The following GRIP1 variants were observed in gnomAD, a reference collection of about 807,000 sequenced individuals.
GRIP1 encodes glutamate receptor interacting protein 1, also known as glutamate receptor-interacting protein 1.
In GRIP1, 45 loss-of-function variants were observed where a neutral mutation model predicts 129.9. The ratio of observed to expected loss-of-function variants is 0.35; its 90% CI spans 0.27 to 0.44. GRIP1 has a LOEUF of 0.44. Among genes scored for constraint, GRIP1 ranks in the 20% least tolerant of loss-of-function variants. The pLI, the probability that GRIP1 is intolerant of heterozygous loss-of-function variation, is 1.00. For synonymous variants in GRIP1, 530 were observed against 520.8 expected (o/e 1.02, Z -0.24); for missense variants, 1,196 against 1,396.8 (o/e 0.86, Z 2.29).
chr12:66,960,427 A>G (rs1459810997), intron 1 of GRIP1, among the ~76,000 whole-genome samples: 1 of 152,184 alleles, frequency 6.6e-6, no homozygotes, highest in South Asian at 2.1e-4. Context: ...TTATTAAGAC[A>G]TAGGAAACAT....
chr12:66,503,330 A>G (rs553892015), intron 7 of GRIP1, among the ~76,000 whole-genome samples: 4 of 151,990 alleles, frequency 2.6e-5, no homozygotes, highest in African/African-American at 9.7e-5. Flanking sequence ...ACAACTTCCT[A>G]AACACACTGC....
intron 14 of GRIP1, among the ~76,000 whole-genome samples, chr12:66,423,843 C>G (rs2057892975): frequency 6.6e-6 from 1 of 152,044 alleles, no homozygotes; most frequent in African/African-American, 2.4e-5. Context: ...GCAATAAAAG[C>G]TTATTAAGTT....
intron 1 of GRIP1, among the ~76,000 whole-genome samples, chr12:66,875,225 A>C (rs546682935): frequency 1.3e-5 from 2 of 152,172 alleles, no homozygotes; most frequent in South Asian, 4.1e-4. Context: ...TAATAAACAC[A>C]TTGTTACAAA....
At chr12:66,762,900 C>T (rs1289837732) in intron 1 of GRIP1, among the ~76,000 whole-genome samples, 2 of 152,130 alleles carry the variant, frequency 1.3e-5, no homozygotes, top group Non-Finnish European at 2.9e-5. Flanking sequence ...GATTTCATTT[C>T]ATCATTCCCT....
At chr12:66,350,396 T>G (rs934787264) in intron 24 of GRIP1, among the ~76,000 whole-genome samples, 3 of 152,170 alleles carry the variant, frequency 2.0e-5, no homozygotes, top group African/African-American at 7.2e-5. Flanking sequence ...ACTTGGGAGC[T>G]GGCTGAGGCA....
chr12:66,436,696 T>C (rs1416648190), intron 13 of GRIP1, among the ~76,000 whole-genome samples: 2 of 151,980 alleles, frequency 1.3e-5, no homozygotes, highest in Non-Finnish European at 2.9e-5. Flanking sequence ...AAGAGACAGA[T>C]TTGGGGCCAG....
chr12:66,573,767 A>G (rs12317142), intron 2 of GRIP1, among the ~76,000 whole-genome samples: 37,350 of 152,112 alleles, frequency 0.25, 4,724 homozygotes, highest in Admixed American at 0.28. Flanking sequence ...ACTGAAAGAA[A>G]CAAGCTGTGC....
chr12:67,063,395 G>A lies in GRIP1; in HGVS notation c.58+5655C>T, dbSNP rs371980878. Among the ~76,000 whole-genome samples the A allele has an allele frequency of 5.3e-5, 8 of 152,158 alleles. No homozygotes were observed. In the East Asian group the frequency reaches 7.7e-4, roughly 15 times the overall value. On this transcript the variant is annotated intron_variant, in intron 1 of 1. Coordinates refer to the GRIP1 transcript ENST00000643019. ...TGAAGAACACTAATTTTCCCATAAA[G>A]CTGATAGCACCCTTTGGCCACTGAC...
chr12:66,530,755 C>T (rs2061412099), intron 4 of GRIP1, among the ~76,000 whole-genome samples: 1 of 151,978 alleles, frequency 6.6e-6, no homozygotes, highest in Admixed American at 6.6e-5. Context: ...AAAACTTCCA[C>T]AAACTGGTAT....
At chr12:66,363,840 G>T (rs1397566269) in intron 23 of GRIP1, among the ~76,000 whole-genome samples, 1 of 152,154 alleles carries the variant, frequency 6.6e-6, no homozygotes, top group African/African-American at 2.4e-5. Context: ...GGGTAAAGAG[G>T]AGACATTGGT....
intron 1 of GRIP1, among the ~76,000 whole-genome samples, chr12:66,717,804 A>G (rs1044944882): frequency 6.6e-6 from 1 of 152,156 alleles, no homozygotes; most frequent in African/African-American, 2.4e-5. Flanking sequence ...GTTTAAAAAA[A>G]TTGATTTAAA....
At chr12:67,050,386 G>C (rs970884665) in intron 1 of GRIP1, among the ~76,000 whole-genome samples, 1 of 151,926 alleles carries the variant, frequency 6.6e-6, no homozygotes, top group Non-Finnish European at 1.5e-5. Flanking sequence ...TTTATAAAAG[G>C]TTCATTTTAC....
intron 7 of GRIP1, among the ~76,000 whole-genome samples, chr12:66,515,140 T>C (rs2060806379): frequency 6.6e-6 from 1 of 152,156 alleles, no homozygotes; most frequent in East Asian, 1.9e-4. Flanking sequence ...ACATCTCCTT[T>C]ATTTTTCTTA....
At chr12:66,914,511 C>T (rs901635384) in intron 1 of GRIP1, among the ~76,000 whole-genome samples, 5 of 152,178 alleles carry the variant, frequency 3.3e-5, no homozygotes, top group African/African-American at 1.2e-4. Flanking sequence ...TCAGTAATGA[C>T]TACAGTGGAT....
At chr12:66,504,617 C>T (rs185828838) in intron 7 of GRIP1, among the ~76,000 whole-genome samples, 1 of 152,160 alleles carries the variant, frequency 6.6e-6, no homozygotes, top group Non-Finnish European at 1.5e-5. Context: ...AAATCCTTCT[C>T]AATGCAGTAT....
chr12:66,694,097 G>T (rs1330837692), intron 1 of GRIP1, among the ~76,000 whole-genome samples: 2 of 152,132 alleles, frequency 1.3e-5, no homozygotes, highest in South Asian at 2.1e-4. Flanking sequence ...ACTGCCATCT[G>T]CTGGGGAAAA....
intron 7 of GRIP1, among the ~76,000 whole-genome samples, chr12:66,482,883 T>C (rs2059845095): frequency 2.0e-5 from 3 of 152,016 alleles, no homozygotes; most frequent in South Asian, 4.1e-4. Flanking sequence ...TTGAGAAAAA[T>C]GGATGATACA....
intron 19 of GRIP1, among the ~76,000 whole-genome samples, chr12:66,385,146 T>G (rs75583109): frequency 0.038 from 5,794 of 152,194 alleles, 384 homozygotes; most frequent in African/African-American, 0.13. Context: ...GCACATGAAA[T>G]ACACATATAA....
chr12:66,381,143 A>G (rs2056089473), intron 19 of GRIP1, among the ~76,000 whole-genome samples: 1 of 152,210 alleles, frequency 6.6e-6, no homozygotes, highest in Non-Finnish European at 1.5e-5. Context: ...ACCCAGGGCA[A>G]TGCCTACCAC....
Sources: allele counts gnomAD v4.1 joint callset (sites outside exome capture counted in the v4.1 genomes callset), GRCh38; gene constraint gnomAD v4.1.1; transcripts MANE v1.5; gene names NCBI Gene and HGNC (gene_info 2026-07-23, HGNC 2026-07-21).